ITGB4: variants seen among roughly 807,000 people sequenced by gnomAD.
The protein encoded by ITGB4 is integrin beta-4.
ITGB4 carries 159 observed loss-of-function variants against 207.6 expected under a neutral mutation model. That is an observed-to-expected ratio of 0.77 (90% CI 0.67 to 0.87). ITGB4 has a LOEUF of 0.87. Ranked by LOEUF, ITGB4 falls within the 40% of genes least tolerant of loss-of-function variation. The pLI is 0.00. For synonymous variants in ITGB4, 1,020 were observed against 1,062.7 expected, an observed-to-expected ratio of 0.96 and a Z score of 0.78; for missense variants, 2,278 against 2,546.8, an observed-to-expected ratio of 0.89 and a Z score of 2.27.
intron 26 of ITGB4, among the ~76,000 whole-genome samples, chr17:75,747,019 G>GA (rs1309053081): frequency 6.7e-6 from 1 of 148,182 alleles, no homozygotes; most frequent in Non-Finnish European, 1.5e-5. Context: ...TCAACTTACA[G>GA]AAAAATGGAA....
At chr17:75,730,548 G>C (rs773408017) in intron 8 of ITGB4, 44 bp downstream of exon 8, 2 of 1,608,912 alleles carry the variant, frequency 1.2e-6, no homozygotes, top group East Asian at 2.2e-5. Context: ...TCAAGGTAGG[G>C]GGTCCATGGA....
At chr17:75,741,072 G>A (rs1280762913) in intron 23 of ITGB4, 67 bp downstream of exon 23, 1 of 1,561,192 alleles carries the variant, frequency 6.4e-7, no homozygotes, top group East Asian at 2.3e-5. Flanking sequence ...CCCAGCCACT[G>A]CCTCGTCCGT....
chr17:75,748,675 A>C (rs925854346), intron 26 of ITGB4, among the ~76,000 whole-genome samples, 166 bp from the exon 27 acceptor site: 5 of 151,852 alleles, frequency 3.3e-5, no homozygotes, highest in Non-Finnish European at 7.4e-5. Context: ...GCCTCAAAAA[A>C]AAAAACAAAC....
intron 6 of ITGB4, 87 bp downstream of exon 6, chr17:75,728,560 C>G: frequency 1.8e-6 from 2 of 1,112,466 alleles, no homozygotes; most frequent in Middle Eastern, 3.9e-4. Flanking sequence ...TAAAATTATC[C>G]TTCTACGGCT....
At position 75,729,227 on chromosome 17, in the gene ITGB4, C is replaced by T; in HGVS notation, c.567-38C>T. Reference sequence around the variant, plus strand: ...GGGCACTGGGGTCTGCGGCGTCTTCCCCCTGTGACACTCTCTCTCCCTCCC... The same window carrying T: ...GGGCACTGGGGTCTGCGGCGTCTTCTCCCTGTGACACTCTCTCTCCCTCCC... On this transcript the variant is annotated intron_variant, in intron 6 of 39. Transcript: ENST00000200181. This position sits in a 1 kb window ranked among gnomAD's most constrained non-coding sequence, Gnocchi z 4.4. 6.2e-7 allele frequency: 1 copy of T among 1,605,368 alleles called. No homozygotes were observed. Among genetic ancestry groups the T allele is most frequent in the South Asian group, 1.1e-5 (1 of 90,874 alleles).
intron 26 of ITGB4, among the ~76,000 whole-genome samples, chr17:75,747,650 CT>C (rs776431060): frequency 1.2e-4 from 18 of 152,078 alleles, no homozygotes; most frequent in Non-Finnish European, 2.2e-4. Flanking sequence ...AGTTTCCTGG[CT>C]TTGTCTTCCG....
intron 23 of ITGB4, 185 bp downstream of exon 23, chr17:75,741,190 G>A: frequency 1.4e-6 from 1 of 738,114 alleles, no homozygotes. Flanking sequence ...AATGTGAAGT[G>A]CTTGCTATGA....
chr17:75,734,791 G>A (rs1025444664), intron 13 of ITGB4, among the ~76,000 whole-genome samples: 1 of 152,188 alleles, frequency 6.6e-6, no homozygotes, highest in Non-Finnish European at 1.5e-5. Flanking sequence ...CTGGAGAAAG[G>A]CAGACAAGTG....
rs1179913420 is a variant in ITGB4, at chr17:75,742,818, C to A, written c.2962+57C>A. On this transcript the variant is annotated intron_variant, in intron 25 of 39. Coordinates refer to ENST00000200181, the MANE Select transcript of ITGB4 (RefSeq NM_000213.5). This position sits in a 1 kb window ranked among gnomAD's most constrained non-coding sequence, Gnocchi z 5.9. ...GACGGGGGCTCGGGGGCACTGGTTC[C>A]TCCTGCTTAAGTGGAATTGCGACCT... 7.2e-6 allele frequency: 11 copies of A among 1,530,462 alleles called. No homozygotes were observed. Among genetic ancestry groups the A allele is most frequent in the Non-Finnish European group, 9.7e-6 (11 of 1,131,920 alleles). The allele number at this position is 1,530,462 out of a possible 1,614,324, so 94.8% of individuals were successfully genotyped here.
chr17:75,733,518 G>A lies in ITGB4; in HGVS notation c.1483G>A (p.Gly495Ser), dbSNP rs757186781. Residue 495 changes from glycine (G) to serine (S), a missense_variant, in exon 13 of 40, where the codon GGC becomes AGC. Gly to Ser is a moderately conservative substitution (Grantham distance 56). Coordinates refer to ENST00000200181, the MANE Select transcript of ITGB4 (RefSeq NM_000213.5). ...WSGQTCNCST[G>S]SLSDIQPCLR... ...TGGCCAGACCTGCAACTGCTCCACCGGCTCTCTGAGTGACATTCAGCCCTG... is the reference window on the plus strand; with the variant it reads ...TGGCCAGACCTGCAACTGCTCCACCAGCTCTCTGAGTGACATTCAGCCCTG... 2.2e-5 allele frequency: 35 copies of A among 1,613,522 alleles called. No individual in the cohort carries two copies. The South Asian group carries it at 2.4e-4, about 11-fold the overall frequency.
rs779056469 is a variant in ITGB4, at chr17:75,733,650, G to A, written c.1615G>A (p.Asp539Asn). 18 of 1,614,064 alleles carry A rather than the reference G, an allele frequency of 1.1e-5. No homozygotes were observed. The highest frequency in any genetic ancestry group is 1.4e-5 in the Non-Finnish European group (17 of 1,180,050). The part of the protein sequence containing the change: ...GRYEGQFCEY[D>N]NFQCPRTSGF... ...CTACGAGGGTCAGTTCTGCGAGTAT[G>A]ACAACTTCCAGTGTCCCCGCACTTC... Residue 539 changes from aspartate to asparagine, a missense_variant, in exon 13 of 40, where the codon GAC becomes AAC. By Grantham distance (23) the Asp-to-Asn change is conservative. Transcript: ENST00000200181.
rs2061333185 is a variant in ITGB4, at chr17:75,750,112, TGAACTGGACCG to T, written c.3321_3331del (p.Asp1109HisfsTer24). ...CCCGGCCCCAACCTGACCCGTTAGATGAACTGGACCGGAGCTTCACGAGTCAGATGTTGTCA... is the reference window on the plus strand; with the variant it reads ...CCCGGCCCCAACCTGACCCGTTAGATGAGCTTCACGAGTCAGATGTTGTCA... On this transcript the variant is annotated frameshift_variant and splice_region_variant, in exon 28 of 40. Transcript: ENST00000200181. LOFTEE classifies it high-confidence loss of function. This position sits in a 1 kb window ranked among gnomAD's most constrained non-coding sequence, Gnocchi z 5.5. 5 of 1,613,402 alleles carry T rather than the reference TGAACTGGACCG, an allele frequency of 3.1e-6. No individual in the cohort carries two copies. The highest frequency in any genetic ancestry group is 1.7e-5 in the Admixed American group (1 of 60,002).
chr17:75,724,208 G>T (rs1438948113), intron 1 of ITGB4, among the ~76,000 whole-genome samples: 1 of 152,198 alleles, frequency 6.6e-6, no homozygotes, highest in East Asian at 1.9e-4. Flanking sequence ...CCCAGATATT[G>T]GGAGGGGCCC....
At chr17:75,735,407 CTTTTCTTTTTTTT>C (rs869295930) in intron 13 of ITGB4, among the ~76,000 whole-genome samples, 6 of 114,282 alleles carry the variant, frequency 5.3e-5, no homozygotes, top group Non-Finnish European at 5.5e-5. Context: ...TTTCTTTTTT[CTTTTCTTTTTTTT>C]TTTTTTTTTT....
rs769026495 is a variant in ITGB4 at position 75,733,675 on chromosome 17, C to T, written c.1640C>T (p.Ser547Phe). 3 of 1,614,080 alleles carry T rather than the reference C, an allele frequency of 1.9e-6. No homozygotes were observed. The highest frequency in any genetic ancestry group is 2.5e-6 in the Non-Finnish European group (3 of 1,180,016). ...GACAACTTCCAGTGTCCCCGCACTT[C>T]CGGGTTCCTCTGCAATGGTGAGCAC... The part of the protein sequence containing the change: ...EYDNFQCPRT[S>F]GFLCNDRGRC... Residue 547 changes from serine (S) to phenylalanine (F), a missense_variant, in exon 13 of 40, where the codon TCC (serine) becomes TTC (phenylalanine). Transcript: ENST00000200181.
At position 75,750,962 on chromosome 17, in the gene ITGB4, C is replaced by T. The variant is rs200573133; in HGVS notation, c.3656-12C>T. On this transcript the variant is annotated splice_polypyrimidine_tract_variant and intron_variant, in intron 29 of 39. Transcript: ENST00000200181. The surrounding 1 kb of genome is among the most constrained non-coding windows in gnomAD (Gnocchi z 5.5). ...CACTGACAGCACTCTTCCTGTATTC[C>T]CCGCTCCCTAGTGCCCAGCGAGCCA... 3.5e-5 allele frequency: 56 copies of T among 1,613,640 alleles called. No homozygotes were observed. The highest frequency in any genetic ancestry group is 4.2e-5 in the Non-Finnish European group (49 of 1,180,028).
rs758043163 is a variant in ITGB4 at position 75,736,565 on chromosome 17, A to G, written c.1861A>G (p.Ile621Val). Residue 621 changes from isoleucine to valine, a missense_variant and splice_region_variant, in exon 16 of 40, where the codon ATC (isoleucine) becomes GTC (valine). Ile to Val is a conservative substitution (Grantham distance 29). Transcript: ENST00000200181. ...DTICEINYSA[I>V]HPGLCEDLRS... ...GTCTGCCCCGCCTTTCCCCGCCAAG[A>G]TCCACCCGGGCCTCTGCGAGGACCT... The G allele has an allele frequency of 1.9e-6, 3 of 1,598,242 alleles. No homozygotes were observed. The East Asian group carries it at 6.8e-5, about 36-fold the overall frequency.
At position 75,740,954 on chromosome 17, in the gene ITGB4, G is replaced by A. The variant is rs1208943940; in HGVS notation, c.2610-28G>A. ...CAGGCCTCCACTTCAGGGCTATCTA[G>A]CTCACAGCGCCCTCTTTGTCCCCAC... On this transcript the variant is annotated intron_variant, in intron 22 of 39. Coordinates refer to ENST00000200181, the MANE Select transcript of ITGB4 (RefSeq NM_000213.5). This position sits in a 1 kb window ranked among gnomAD's most constrained non-coding sequence, Gnocchi z 5.9. 2 of 1,614,026 alleles carry A rather than the reference G, an allele frequency of 1.2e-6. No homozygotes were observed. Among genetic ancestry groups the A allele is most frequent in the Non-Finnish European group, 1.7e-6 (2 of 1,180,022 alleles).
rs768544735 is a variant in ITGB4, at chr17:75,757,219, C to T, written c.5238C>T (p.Gly1746=). 2 of 1,611,646 alleles carry T rather than the reference C, an allele frequency of 1.2e-6. No homozygotes were observed. The highest frequency in any genetic ancestry group is 1.7e-6 in the Non-Finnish European group (2 of 1,179,848). The change falls in exon 39 of 40, where the codon GGC becomes GGT. Residue 1746 remains glycine, a synonymous_variant. Coordinates refer to ENST00000200181, the MANE Select transcript of ITGB4 (RefSeq NM_000213.5). ...CCCCAGGACCCTTCCCGCAGCTGGG[C>T]AGCCGTGCCGGGCTCTTCCAGCACC... is the stretch of plus-strand genomic sequence containing the variant. ...SQDGGPFPQL[G]SRAGLFQHPL...
Sources: allele counts gnomAD v4.1 joint callset (sites outside exome capture counted in the v4.1 genomes callset), GRCh38; gene constraint gnomAD v4.1.1; non-coding constraint Gnocchi (gnomAD v3.1); transcripts MANE v1.5; gene names NCBI Gene and HGNC (gene_info 2026-07-23, HGNC 2026-07-21).